CNTNAP2: variants seen among roughly 807,000 people sequenced by gnomAD.
CNTNAP2 encodes the protein contactin-associated protein-like 2.
In CNTNAP2, 98 loss-of-function variants were observed where a neutral mutation model predicts 155.2. The ratio of observed to expected loss-of-function variants is 0.63; its 90% CI spans 0.54 to 0.75. The LOEUF is 0.75. CNTNAP2 is among the 30% of genes least tolerant of loss of function. The pLI is 0.00. For synonymous variants in CNTNAP2, 651 were observed against 631.2 expected, an observed-to-expected ratio of 1.03 and a Z score of -0.47; for missense variants, 1,727 against 1,688.1, an observed-to-expected ratio of 1.02 and a Z score of -0.40.
chr7:146,792,947 C>A (rs1224783992), intron 2 of CNTNAP2, among the ~76,000 whole-genome samples: 2 of 151,492 alleles, frequency 1.3e-5, no homozygotes, highest in Admixed American at 1.3e-4. Flanking sequence ...ACATGGTGAG[C>A]CATATATGTA....
chr7:148,087,113 G>C (rs7786049), intron 15 of CNTNAP2, among the ~76,000 whole-genome samples: 6 of 151,984 alleles, frequency 3.9e-5, no homozygotes, highest in Non-Finnish European at 8.8e-5. Flanking sequence ...ACACGTGCCC[G>C]AACTATCATT....
intron 1 of CNTNAP2, among the ~76,000 whole-genome samples, chr7:146,455,310 AAGTC>A (rs1242199826): frequency 6.6e-6 from 1 of 152,212 alleles, no homozygotes; most frequent in Non-Finnish European, 1.5e-5. Context: ...TGATCTCTGA[AAGTC>A]ATTTTAATCC....
intron 4 of CNTNAP2, among the ~76,000 whole-genome samples, chr7:147,072,637 G>T (rs1012335458): frequency 6.6e-6 from 1 of 152,118 alleles, no homozygotes; most frequent in Admixed American, 6.5e-5. Flanking sequence ...GAACTTGGTT[G>T]TGGGTTACAT....
rs555932685 is a variant in CNTNAP2 at position 148,006,389 on chromosome 7, T to C, written c.2383+28400T>C. Among the ~76,000 whole-genome samples the C allele has an allele frequency of 1.1e-3, 164 of 150,340 alleles. 1 individual carries two copies. Among genetic ancestry groups the C allele is most frequent in the Non-Finnish European group, 1.9e-3 (131 of 67,660 alleles). ...GGATGGAGTACAGTGGTACAATCTC[T>C]GCTCACTGCAACCTCTGCCTCCCAG... On this transcript the variant is annotated intron_variant, in intron 15 of 23. Transcript: ENST00000361727.
chr7:148,193,485 A>AT (rs1041903375), intron 18 of CNTNAP2, among the ~76,000 whole-genome samples: 53 of 151,814 alleles, frequency 3.5e-4, no homozygotes, highest in Middle Eastern at 6.8e-3. Flanking sequence ...CATTTTCATA[A>AT]TTTTTTTTTG....
At chr7:146,998,570 A>G (rs1798355236) in intron 3 of CNTNAP2, among the ~76,000 whole-genome samples, 1 of 151,948 alleles carries the variant, frequency 6.6e-6, no homozygotes, top group Non-Finnish European at 1.5e-5. Flanking sequence ...GACAGTTTCA[A>G]CATGATGTTT....
chr7:148,180,548 AG>A (rs894385663), intron 18 of CNTNAP2, among the ~76,000 whole-genome samples: 21 of 152,070 alleles, frequency 1.4e-4, no homozygotes, highest in African/African-American at 5.1e-4. Context: ...GTTTCTCAGA[AG>A]AAAAAAAAAA....
rs10673467 is a variant in CNTNAP2, at chr7:146,550,401, G to GTTTTTTTTTTT, written c.98-223852_98-223842dup. Among the ~76,000 whole-genome samples, 308 of 54,382 alleles carry GTTTTTTTTTTT rather than the reference G, an allele frequency of 5.7e-3. 74 individuals are homozygous for GTTTTTTTTTTT. Among genetic ancestry groups the GTTTTTTTTTTT allele is most frequent in the African/African-American group, 0.02 (283 of 14,084 alleles). 35.7% of individuals were successfully genotyped at this position (54,382 alleles called of 152,430 possible). A position where few individuals can be genotyped will look rare whatever the true frequency, so the allele number is the denominator to read the frequency against. ...TTATAGCAGTGAGGTCCATTAATCT[G>GTTTTTTTTTTT]TTTTTTTTTTTTTTTTTTTTTTTTT... On this transcript the variant is annotated intron_variant, in intron 1 of 23. Transcript: ENST00000361727.
chr7:146,934,794 C>T (rs898658157), intron 3 of CNTNAP2, among the ~76,000 whole-genome samples: 3 of 152,090 alleles, frequency 2.0e-5, no homozygotes, highest in Non-Finnish European at 1.5e-5. Context: ...AATATATAAT[C>T]AGTTACTTCC....
chr7:146,149,699 A>G (rs555483656), intron 1 of CNTNAP2, among the ~76,000 whole-genome samples: 2 of 152,248 alleles, frequency 1.3e-5, no homozygotes, highest in Middle Eastern at 3.4e-3. Flanking sequence ...GTATCCATAT[A>G]GGAAAAAAAT....
intron 9 of CNTNAP2, among the ~76,000 whole-genome samples, chr7:147,308,768 C>T (rs1194805617): frequency 6.6e-6 from 1 of 152,160 alleles, no homozygotes; most frequent in Admixed American, 6.5e-5. Context: ...TCCCAGCGTC[C>T]TGTCTCTTCT....
chr7:146,703,706 T>C lies in CNTNAP2; in HGVS notation c.98-70565T>C, dbSNP rs185089744. On this transcript the variant is annotated intron_variant, in intron 1 of 23. Coordinates refer to ENST00000361727, the MANE Select transcript of CNTNAP2 (RefSeq NM_014141.6). ...AAAACGAGCTCCCTCAGGTCTCTTT[T>C]ATAAGGGCACTAATCCCATTCATGA... is the stretch of plus-strand genomic sequence containing the variant. Among the ~76,000 whole-genome samples, 781 of 152,202 alleles carry C rather than the reference T, an allele frequency of 5.1e-3. 10 individuals carry two copies. Among genetic ancestry groups the C allele is most frequent in the African/African-American group, 0.018 (737 of 41,544 alleles).
intron 1 of CNTNAP2, among the ~76,000 whole-genome samples, chr7:146,232,625 A>G (rs1335355017): frequency 1.3e-5 from 2 of 152,130 alleles, no homozygotes; most frequent in Non-Finnish European, 2.9e-5. Context: ...TGCATTATTT[A>G]TATTAGTACA....
intron 1 of CNTNAP2, among the ~76,000 whole-genome samples, chr7:146,193,311 CTG>C (rs1798732776): frequency 6.6e-6 from 1 of 152,200 alleles, no homozygotes; most frequent in Non-Finnish European, 1.5e-5. Context: ...CATTTCTCTT[CTG>C]CACTGCCCTA....
intron 13 of CNTNAP2, among the ~76,000 whole-genome samples, chr7:147,656,448 TTA>T (rs1326531190): frequency 6.6e-5 from 10 of 152,196 alleles, no homozygotes; most frequent in African/African-American, 2.2e-4. Flanking sequence ...ACTCGAATAC[TTA>T]GAGGCCATCT....
chr7:146,940,774 C>T (rs960229058), intron 3 of CNTNAP2, among the ~76,000 whole-genome samples: 24 of 151,006 alleles, frequency 1.6e-4, no homozygotes, highest in Admixed American at 1.3e-4. Context: ...CAGTCGTATA[C>T]ATACAGTTGC....
chr7:146,791,888 G>A (rs770224774), intron 2 of CNTNAP2, among the ~76,000 whole-genome samples: 4 of 152,138 alleles, frequency 2.6e-5, no homozygotes, highest in Non-Finnish European at 5.9e-5. Flanking sequence ...TTGGATTAAT[G>A]TAGATTTTAG....
intron 13 of CNTNAP2, among the ~76,000 whole-genome samples, chr7:147,896,155 C>G (rs1253488940): frequency 1.3e-5 from 2 of 152,174 alleles, no homozygotes; most frequent in Non-Finnish European, 2.9e-5. Flanking sequence ...AACTTGCCAC[C>G]TCCTTGCACC....
intron 3 of CNTNAP2, among the ~76,000 whole-genome samples, chr7:146,962,258 A>T (rs1797570588): frequency 6.6e-6 from 1 of 152,204 alleles, no homozygotes; most frequent in East Asian, 1.9e-4. Flanking sequence ...AACAAATGAA[A>T]GAATGAGCAA....
Sources: allele counts gnomAD v4.1 joint callset (sites outside exome capture counted in the v4.1 genomes callset), GRCh38; gene constraint gnomAD v4.1.1; transcripts MANE v1.5; gene names NCBI Gene and HGNC (gene_info 2026-07-23, HGNC 2026-07-21).